Variants in SPAG17 observed in about 807,000 individuals in gnomAD.
SPAG17 encodes sperm associated antigen 17.
A neutral mutation model predicts 273.6 loss-of-function variants in SPAG17; 169 were observed. That is an observed-to-expected ratio of 0.62 (90% CI 0.55 to 0.70). SPAG17 has a LOEUF of 0.70. Among genes scored for constraint, SPAG17 ranks in the 30% least tolerant of loss-of-function variants. The probability of loss-of-function intolerance (pLI) is 0.00; values close to 1 mark genes in which losing one functional copy is unlikely to be tolerated. For synonymous variants in SPAG17, 825 were observed against 873.2 expected (o/e 0.94, Z 0.97); for missense variants, 2,557 against 2,627.8 (o/e 0.97, Z 0.59).
At chr1:118,174,557 A>T (rs1287575265) in intron 1 of SPAG17, among the ~76,000 whole-genome samples, 2 of 152,224 alleles carry the variant, frequency 1.3e-5, no homozygotes, top group African/African-American at 4.8e-5. Context: ...AGGTAGAGAG[A>T]TTACTTTTAT....
At chr1:117,992,260 T>G (rs990665201) in intron 36 of SPAG17, among the ~76,000 whole-genome samples, 1 of 152,210 alleles carries the variant, frequency 6.6e-6, no homozygotes, top group African/African-American at 2.4e-5. Context: ...TTTCAATGTC[T>G]TTGGGGCTTC....
rs910651854 is a variant in SPAG17 at position 118,067,647 on chromosome 1, T to C, written c.2386-748A>G. Among the ~76,000 whole-genome samples, 10 of 152,352 alleles carry C rather than the reference T, an allele frequency of 6.6e-5. No individual in the cohort carries two copies. The East Asian group carries it at 1.7e-3, about 26-fold the overall frequency. On this transcript the variant is annotated intron_variant, in intron 17 of 48. Transcript: ENST00000336338. The stretch of plus-strand genomic sequence containing the variant: ...GCTACTCAGGCATGGCATTTTGGCA[T>C]GGCAGCCCAAGCGGACTAAATCAGT...
chr1:118,151,213 A>G lies in SPAG17; in HGVS notation c.228+16T>C, dbSNP rs1360714039. ...AAAAGTCTTCAGGTGGCTTTGAGGT[A>G]GGAAGGGACAGGTACCTGCTGGAGA... is the stretch of plus-strand genomic sequence containing the variant. On this transcript the variant is annotated intron_variant, in intron 2 of 48. Transcript: ENST00000336338. 1.3e-6 allele frequency: 2 copies of G among 1,519,318 alleles called. No homozygotes were observed. Among genetic ancestry groups the G allele is most frequent in the Admixed American group, 1.9e-5 (1 of 53,562 alleles). 94.1% of individuals were successfully genotyped at this position (1,519,318 alleles called of 1,614,324 possible). A position where few individuals can be genotyped will look rare whatever the true frequency, so the allele number is the denominator to read the frequency against.
At chr1:118,052,368 G>C (rs1458372398) in intron 20 of SPAG17, among the ~76,000 whole-genome samples, 2 of 151,588 alleles carry the variant, frequency 1.3e-5, no homozygotes, top group Non-Finnish European at 3.0e-5. Context: ...CAAAAACAGA[G>C]AGTAGAATGG....
chr1:118,165,583 G>T (rs1260352798), intron 1 of SPAG17, among the ~76,000 whole-genome samples: 1 of 150,274 alleles, frequency 6.7e-6, no homozygotes, highest in African/African-American at 2.5e-5. Context: ...AGGCTTTTTA[G>T]AGGGTGCTTT....
At position 118,080,208 on chromosome 1, in the gene SPAG17, A is replaced by AGTG. The variant is rs1654429759; in HGVS notation, c.2209+890_2209+892dup. ...GAGTGAGCCACAGCACTTCACCAGA[A>AGTG]GTGTAGCTTAATTATGACCCTGGAA... On this transcript the variant is annotated intron_variant, in intron 15 of 48. Coordinates refer to ENST00000336338, the MANE Select transcript of SPAG17 (RefSeq NM_206996.4). Among the ~76,000 whole-genome samples, 3 of 152,266 alleles carry AGTG rather than the reference A, an allele frequency of 2.0e-5. No individual in the cohort carries two copies. The South Asian group carries it at 6.2e-4, about 32-fold the overall frequency.
intron 29 of SPAG17, among the ~76,000 whole-genome samples, chr1:118,013,698 G>C (rs1659696469): frequency 6.6e-6 from 1 of 152,048 alleles, no homozygotes; most frequent in Non-Finnish European, 1.5e-5. Context: ...ATCTAGTAGA[G>C]ATATTTACAT....
At chr1:118,106,389 A>G (rs1656399606) in intron 4 of SPAG17, among the ~76,000 whole-genome samples, 1 of 152,164 alleles carries the variant, frequency 6.6e-6, no homozygotes, top group African/African-American at 2.4e-5. Flanking sequence ...TTCAAACTCA[A>G]AGCTAATATG....
At position 118,044,582 on chromosome 1, in the gene SPAG17, A is replaced by G. The variant is rs549930699; in HGVS notation, c.2815-2540T>C. On this transcript the variant is annotated intron_variant, in intron 20 of 48. Transcript: ENST00000336338. ...ATGTGTCAGCAAGGAAAATGTGGAA[A>G]AATATCTTCAGAGTTGATACGGCTT... Among the ~76,000 whole-genome samples the G allele has an allele frequency of 4.6e-5, 7 of 152,346 alleles. No homozygotes were observed. The South Asian group carries it at 1.4e-3, about 32-fold the overall frequency.
chr1:117,968,302 T>C (rs1019207303), intron 46 of SPAG17, among the ~76,000 whole-genome samples: 1 of 152,242 alleles, frequency 6.6e-6, no homozygotes, highest in African/African-American at 2.4e-5. Flanking sequence ...GCTGGGTTTT[T>C]AGTACCTATA....
At position 118,036,832 on chromosome 1, in the gene SPAG17, G is replaced by A. The variant is rs1317270235; in HGVS notation, c.3371C>T (p.Ala1124Val). The change falls in exon 24 of 49, where the codon GCC becomes GTC. Residue 1124 changes from alanine (A) to valine (V), a missense_variant. Transcript: ENST00000336338. The part of the protein sequence containing the change: ...KAFSKFGSFS[A>V]TLENGICLSI... ...GAGGCAGATTCCATTTTCTAAGGTG[G>A]CAGAAAAAGATCCAAACTTGCTGAA... 2.6e-6 allele frequency: 4 copies of A among 1,561,836 alleles called. No homozygotes were observed. In the South Asian group the frequency reaches 4.7e-5, roughly 18 times the overall value.
chr1:118,115,582 T>C (rs1419243573), intron 3 of SPAG17, 141 bp from the exon 4 acceptor site: 25 of 858,400 alleles, frequency 2.9e-5, no homozygotes, highest in Middle Eastern at 3.6e-4. Flanking sequence ...AAAAAAAAGT[T>C]AGGGAAAAAA....
chr1:117,966,887 T>G (rs1653920183), intron 46 of SPAG17, 134 bp from the exon 47 acceptor site: 3 of 657,210 alleles, frequency 4.6e-6, no homozygotes, highest in Non-Finnish European at 7.2e-6. Flanking sequence ...CACTAACAAA[T>G]GGTAGTTATT....
intron 15 of SPAG17, among the ~76,000 whole-genome samples, chr1:118,078,763 T>C (rs1282724590): frequency 1.3e-5 from 2 of 152,108 alleles, no homozygotes; most frequent in Non-Finnish European, 2.9e-5. Flanking sequence ...CTTGCTAGTT[T>C]AATAAGATTT....
At chr1:118,012,981 G>T (rs1480694010) in intron 29 of SPAG17, among the ~76,000 whole-genome samples, 2 of 152,160 alleles carry the variant, frequency 1.3e-5, no homozygotes, top group Non-Finnish European at 2.9e-5. Flanking sequence ...TGCTGCTCCT[G>T]AGCTCTGCAC....
chr1:118,039,753 T>A (rs1242793731), intron 22 of SPAG17, among the ~76,000 whole-genome samples: 1 of 152,032 alleles, frequency 6.6e-6, no homozygotes, highest in Admixed American at 6.6e-5. Flanking sequence ...AATTTACCTA[T>A]AGAACCAACC....
intron 48 of SPAG17, among the ~76,000 whole-genome samples, chr1:117,956,308 A>G (rs1652187703): frequency 6.6e-6 from 1 of 152,186 alleles, no homozygotes. Context: ...CATTTTTGCA[A>G]TAATTGTTAT....
chr1:118,098,515 T>C lies in SPAG17; in HGVS notation c.830-664A>G, dbSNP rs749046094. On this transcript the variant is annotated intron_variant, in intron 6 of 48. Coordinates refer to ENST00000336338, the MANE Select transcript of SPAG17 (RefSeq NM_206996.4). ...TATTTTTTAATATTTTATTTTTATA[T>C]ATTAAATATTTTTACAGAGAGACTG... Among the ~76,000 whole-genome samples, 94 of 151,926 alleles carry C rather than the reference T, an allele frequency of 6.2e-4. 1 individual carries two copies. Among genetic ancestry groups the C allele is most frequent in the Middle Eastern group, 6.8e-3 (2 of 294 alleles).
intron 23 of SPAG17, 136 bp downstream of exon 23, chr1:118,039,156 A>C: frequency 1.1e-6 from 1 of 901,386 alleles, no homozygotes. Flanking sequence ...AGGCAACTTC[A>C]TGCACTATTA....
Sources: allele counts gnomAD v4.1 joint callset (sites outside exome capture counted in the v4.1 genomes callset), GRCh38; gene constraint gnomAD v4.1.1; transcripts MANE v1.5; gene names NCBI Gene and HGNC (gene_info 2026-07-23, HGNC 2026-07-21).